The following HEMK1 variants were observed in gnomAD, a reference collection of about 807,000 sequenced individuals.
HEMK1 encodes HemK methyltransferase 1, mitochondrial release factors N(5)-glutamine.
A neutral mutation model predicts 47.9 loss-of-function variants in HEMK1; 36 were observed. The observed-to-expected ratio is 0.75, with a 90% CI of 0.58 to 0.99. The LOEUF is 0.99. Among genes scored for constraint, HEMK1 ranks in the 50% least tolerant of loss-of-function variants. HEMK1 has a pLI of 0.00. For missense variants in HEMK1, 383 were observed against 434.5 expected, an observed-to-expected ratio of 0.88 and a Z score of 1.05; for synonymous variants, 153 against 165.4, an observed-to-expected ratio of 0.93 and a Z score of 0.57.
At position 50,577,891 on chromosome 3, in the gene HEMK1, T is replaced by C. The variant is rs764684133; in HGVS notation, c.664+16T>C. ...ATGACCTCAGGTACCCTCCCCTGCA[T>C]GTTCCTTGAGAGAGGGAGACTAGAT... On this transcript the variant is annotated intron_variant, in intron 7 of 10. Coordinates refer to ENST00000232854, the MANE Select transcript of HEMK1 (RefSeq NM_016173.5). 6.2e-7 allele frequency: 1 copy of C among 1,613,264 alleles called. No individual in the cohort carries two copies. Among genetic ancestry groups the C allele is most frequent in the Non-Finnish European group, 8.5e-7 (1 of 1,179,224 alleles).
chr3:50,572,075 A>T (rs1284591975), intron 3 of HEMK1, 40 bp from the exon 4 acceptor site: 1 of 1,612,068 alleles, frequency 6.2e-7, no homozygotes. Flanking sequence ...TGTTGGTCCT[A>T]GCTCTGTCCC....
Position 50,571,161 on chromosome 3 carries a change from A to G in HEMK1, c.57A>G (p.Gly19=). 6.2e-7 allele frequency: 1 copy of G among 1,613,224 alleles called. No individual in the cohort carries two copies. Among genetic ancestry groups the G allele is most frequent in the Non-Finnish European group, 8.5e-7 (1 of 1,179,684 alleles). ...TCCTGTCTGGCCCAGGGAGGAGGGG[A>G]AGTACCCGGGGCTGGGCCTTCAGCT... is the stretch of plus-strand genomic sequence containing the variant. ...WALLSGPGRR[G]STRGWAFSSW... is the part of the protein sequence containing the mutation. Residue 19 remains glycine (G), a synonymous_variant, in exon 2 of 11, where the codon GGA becomes GGG. Coordinates refer to ENST00000232854, the MANE Select transcript of HEMK1 (RefSeq NM_016173.5).
In HEMK1 at chr3:50,589,051, T is replaced by TCTAGTTA. The variant is rs2031574481; in HGVS notation, c.*8634_*8635insCTAGTTA. 1 of 152,234 alleles carries TCTAGTTA rather than the reference T, an allele frequency of 6.6e-6. No homozygotes were observed. Among genetic ancestry groups the TCTAGTTA allele is most frequent in the South Asian group, 2.1e-4 (1 of 4,826 alleles). 9.4% of individuals were successfully genotyped at this position (152,234 alleles called of 1,614,324 possible). A position where few individuals can be genotyped will look rare whatever the true frequency, so the allele number is the denominator to read the frequency against. ...AAAATGAGCATCTAGTTAGCAAAAA[T>TCTAGTTA]GTATTTTGCAAGTGCAAATTCTTTC... On this transcript the variant is annotated 3_prime_UTR_variant, in exon 11 of 11. Transcript: ENST00000232854.
rs1222508351 is a variant in HEMK1 at position 50,582,964 on chromosome 3, C to G, written c.*2547C>G. ...GGCCAAAGCCAGAGACTCGAACAGC[C>G]TCCCCACCACCACCAGCATATGTCA... On this transcript the variant is annotated 3_prime_UTR_variant, in exon 11 of 11. Coordinates refer to ENST00000232854, the MANE Select transcript of HEMK1 (RefSeq NM_016173.5). 6.6e-6 allele frequency: 1 copy of G among 152,532 alleles called. No individual in the cohort carries two copies. Among genetic ancestry groups the G allele is most frequent in the East Asian group, 1.9e-4 (1 of 5,206 alleles). 9.4% of individuals were successfully genotyped at this position (152,532 alleles called of 1,614,324 possible). A position where few individuals can be genotyped will look rare whatever the true frequency, so the allele number is the denominator to read the frequency against.
chr3:50,577,733 C>A (rs1306699995), intron 6 of HEMK1, 93 bp from the exon 7 acceptor site: 1 of 1,442,484 alleles, frequency 6.9e-7, no homozygotes, highest in African/African-American at 1.4e-5. Context: ...GAGTATCTTG[C>A]CAGTCCAAGA....
rs1035958204 is a variant in HEMK1 at position 50,591,267 on chromosome 3, C to G, written c.*10850C>G. 6.6e-6 allele frequency: 1 copy of G among 152,252 alleles called. No individual in the cohort carries two copies. Among genetic ancestry groups the G allele is most frequent in the Non-Finnish European group, 1.5e-5 (1 of 68,060 alleles). The allele number at this position is 152,252 out of a possible 1,614,324, so 9.4% of individuals were successfully genotyped here. On this transcript the variant is annotated 3_prime_UTR_variant, in exon 11 of 11. Coordinates refer to ENST00000232854, the MANE Select transcript of HEMK1 (RefSeq NM_016173.5). Reference sequence around the variant, plus strand: ...TTCCTGCACAGTCATTTATTAGGCACCAACTGTAAGCCAGGCCCAGGAGGT... The same window carrying G: ...TTCCTGCACAGTCATTTATTAGGCAGCAACTGTAAGCCAGGCCCAGGAGGT...
In HEMK1 at chr3:50,571,310, C is replaced by T. The variant is rs959932372; in HGVS notation, c.206C>T (p.Ala69Val). 1 of 1,601,598 alleles carries T rather than the reference C, an allele frequency of 6.2e-7. No individual in the cohort carries two copies. The highest frequency in any genetic ancestry group is 8.5e-7 in the Non-Finnish European group (1 of 1,173,726). Residue 69 changes from alanine (A) to valine (V), a missense_variant, in exon 2 of 11, where the codon GCT becomes GTT. Coordinates refer to ENST00000232854, the MANE Select transcript of HEMK1 (RefSeq NM_016173.5). ...EARESSEYIV[A>V]HVLGAKTFQS... ...CGGGAATCCAGTGAGTACATCGTGGCTCATGTCCTTGGAGCCAAAACAGTT... is the reference window on the plus strand; with the variant it reads ...CGGGAATCCAGTGAGTACATCGTGGTTCATGTCCTTGGAGCCAAAACAGTT...
chr3:50,583,488 C>A lies in HEMK1; in HGVS notation c.*3071C>A, dbSNP rs1353491554. The A allele has an allele frequency of 6.6e-6, 1 of 152,232 alleles. No individual in the cohort carries two copies. Among genetic ancestry groups the A allele is most frequent in the African/African-American group, 2.4e-5 (1 of 41,390 alleles). 9.4% of individuals were successfully genotyped at this position (152,232 alleles called of 1,614,324 possible). A position where few individuals can be genotyped will look rare whatever the true frequency, so the allele number is the denominator to read the frequency against. Reference sequence around the variant, plus strand: ...AAGCCCTGGGGGCCCCTCCCAAGGCCCCATCAGTGCTCTGAGTAGGCTGTC... The same window carrying A: ...AAGCCCTGGGGGCCCCTCCCAAGGCACCATCAGTGCTCTGAGTAGGCTGTC... On this transcript the variant is annotated 3_prime_UTR_variant, in exon 11 of 11. Transcript: ENST00000232854.
At position 50,587,762 on chromosome 3, in the gene HEMK1, G is replaced by C. The variant is rs1442121889; in HGVS notation, c.*7345G>C. On this transcript the variant is annotated 3_prime_UTR_variant, in exon 11 of 11. Coordinates refer to ENST00000232854, the MANE Select transcript of HEMK1 (RefSeq NM_016173.5). This position sits in a 1 kb window ranked among gnomAD's most constrained non-coding sequence, Gnocchi z 4.2. The stretch of plus-strand genomic sequence containing the variant: ...ACCAGGGGCCTAAAGAGCTTTTTGA[G>C]CTGAGTTACAGGGTTAGAGAAGCAT... 2 of 152,292 alleles carry C rather than the reference G, an allele frequency of 1.3e-5. No individual in the cohort carries two copies. The highest frequency in any genetic ancestry group is 6.5e-5 in the Admixed American group (1 of 15,280). The allele number at this position is 152,292 out of a possible 1,614,324, so 9.4% of individuals were successfully genotyped here.
rs1206775881 is a variant in HEMK1 at position 50,593,378 on chromosome 3, T to G, written c.*12961T>G. 6.6e-6 allele frequency: 1 copy of G among 152,030 alleles called. No homozygotes were observed. Among genetic ancestry groups the G allele is most frequent in the East Asian group, 1.9e-4 (1 of 5,178 alleles). The allele number at this position is 152,030 out of a possible 1,614,324, so 9.4% of individuals were successfully genotyped here. On this transcript the variant is annotated 3_prime_UTR_variant, in exon 11 of 11. Transcript: ENST00000232854. ...CTGACTCAGGGGCCCCGGAGAAGAT[T>G]TGGTGGGCTAAGGGTGGGCAGGAGA...
Position 50,580,138 on chromosome 3 carries a change from C to T in HEMK1, c.889C>T (p.Pro297Ser). ...DSGSIFLEVD[P>S]RHPELVSSWL... ...TAGTAGTATCTTCTTAGAAGTGGAC[C>T]CAAGGCACCCGGAGCTTGTCAGCAG... The change falls in exon 10 of 11, where the codon CCA (proline) becomes TCA (serine). Residue 297 changes from proline (P) to serine (S), a missense_variant. By Grantham distance (74) the Pro-to-Ser change is moderately conservative (BLOSUM62 -1). Transcript: ENST00000232854. 6.2e-7 allele frequency: 1 copy of T among 1,614,102 alleles called. No individual in the cohort carries two copies. Among genetic ancestry groups the T allele is most frequent in the East Asian group, 2.2e-5 (1 of 44,890 alleles).
rs2029908483 is a variant in HEMK1, at chr3:50,577,652, T to C, written c.614+79T>C. 2.0e-6 allele frequency: 3 copies of C among 1,489,924 alleles called. No homozygotes were observed. The East Asian group carries it at 6.8e-5, about 34-fold the overall frequency. 92.3% of individuals were successfully genotyped at this position (1,489,924 alleles called of 1,614,324 possible). ...AAACTCACCAATGTCTGATTTCTAC[T>C]CCCAAGAAGGAGGAAGCAGTGGGGT... On this transcript the variant is annotated intron_variant, in intron 6 of 10. Transcript: ENST00000232854.
At chr3:50,572,271 A>G in intron 4 of HEMK1, 63 bp downstream of exon 4, 1 of 1,564,916 alleles carries the variant, frequency 6.4e-7, no homozygotes, top group East Asian at 2.4e-5. Context: ...CACCAGTCTT[A>G]CCCCAGGCTT....
chr3:50,588,336 C>T lies in HEMK1; in HGVS notation c.*7919C>T, dbSNP rs955745040. ...GAGGCTTAACATGCCCAAGGTCACA[C>T]AGCCAGCAGCTGGCCATGCTGGAGT... On this transcript the variant is annotated 3_prime_UTR_variant, in exon 11 of 11. Transcript: ENST00000232854. The T allele has an allele frequency of 9.9e-5, 15 of 152,232 alleles. No homozygotes were observed. Among genetic ancestry groups the T allele is most frequent in the Non-Finnish European group, 1.6e-4 (11 of 68,052 alleles). The allele number at this position is 152,232 out of a possible 1,614,324, so 9.4% of individuals were successfully genotyped here.
rs2107373693 is a variant in HEMK1 at position 50,571,293 on chromosome 3, C to G, written c.189C>G (p.Ser63=). 6.2e-7 allele frequency: 1 copy of G among 1,611,024 alleles called. No homozygotes were observed. Among genetic ancestry groups the G allele is most frequent in the African/African-American group, 1.3e-5 (1 of 74,956 alleles). The change falls in exon 2 of 11, where the codon TCC becomes TCG. Residue 63 remains serine, a synonymous_variant. Transcript: ENST00000232854. ...EKRGIPEARE[S]SEYIVAHVLG... ...GGGGTATCCCTGAGGCCCGGGAATC[C>G]AGTGAGTACATCGTGGCTCATGTCC...
intron 4 of HEMK1, among the ~76,000 whole-genome samples, chr3:50,574,334 T>C (rs1559456515): frequency 6.6e-6 from 1 of 152,220 alleles, no homozygotes; most frequent in Non-Finnish European, 1.5e-5. Flanking sequence ...TGGGCTGTTA[T>C]CTACCCCTGC....
At chr3:50,576,750 G>T (rs529584452) in intron 4 of HEMK1, among the ~76,000 whole-genome samples, 2 of 152,340 alleles carry the variant, frequency 1.3e-5, no homozygotes, top group Admixed American at 1.3e-4. Context: ...GAGGATGTCT[G>T]TAAAGGGCTT....
intron 7 of HEMK1, 39 bp from the exon 8 acceptor site, chr3:50,578,782 G>A (rs754015319): frequency 1.3e-5 from 18 of 1,378,248 alleles, no homozygotes; most frequent in Middle Eastern, 1.8e-4. Context: ...ACCTCCCAAT[G>A]GGTTAGTCCC....
chr3:50,571,586 G>GCAGGATGCCGGTGCAGTACATCCTT, intron 2 of HEMK1, 124 bp from the exon 3 acceptor site: 1 of 926,614 alleles, frequency 1.1e-6, no homozygotes, highest in Non-Finnish European at 1.8e-6. Flanking sequence ...TGCCCCCTCT[G>GCAGGATGCCGGTGCAGTACATCCTT]GGCCCAGATG....
Sources: allele counts gnomAD v4.1 joint callset (sites outside exome capture counted in the v4.1 genomes callset), GRCh38; gene constraint gnomAD v4.1.1; non-coding constraint Gnocchi (gnomAD v3.1); transcripts MANE v1.5; gene names NCBI Gene and HGNC (gene_info 2026-07-23, HGNC 2026-07-21).